The following ZNF723 variants were observed in gnomAD, a reference collection of about 807,000 sequenced individuals.
ZNF723 encodes zinc finger protein 723, pseudogene.
Under a neutral mutation model 9.4 loss-of-function variants are expected in ZNF723, and 5 were observed. The ratio of observed to expected loss-of-function variants is 0.53; its 90% CI spans 0.28 to 1.12. The LOEUF is 1.12. Among genes scored for constraint, ZNF723 ranks in the 50% most tolerant of loss-of-function variants. The pLI is 0.10. For missense variants in ZNF723, 450 were observed against 501.5 expected (o/e 0.90, Z 0.98); for synonymous variants, 158 against 168.8 (o/e 0.94, Z 0.49).
At chr19:22,844,854 G>C (rs1028763367) in intron 1 of ZNF723, among the ~76,000 whole-genome samples, 2 of 152,214 alleles carry the variant, frequency 1.3e-5, no homozygotes, top group Non-Finnish European at 2.9e-5. Flanking sequence ...CGGCGTGGTG[G>C]CTCATGCCTG....
At position 22,857,031 on chromosome 19, in the gene ZNF723, T is replaced by A. The variant is rs902492639; in HGVS notation, c.227-87T>A. On this transcript the variant is annotated intron_variant, in intron 3 of 3. Coordinates refer to ENST00000600766, the MANE Select transcript of ZNF723 (RefSeq NM_001349726.2). Reference sequence around the variant, plus strand: ...TATTTTGCTATGCCATCTTATGTAGTTTGTATAATTTTATAGCTTAGATTT... The same window carrying A: ...TATTTTGCTATGCCATCTTATGTAGATTGTATAATTTTATAGCTTAGATTT... 4.3e-5 allele frequency: 25 copies of A among 576,824 alleles called. 1 individual carries two copies. In the South Asian group the frequency reaches 5.6e-4, roughly 13 times the overall value. 35.7% of individuals were successfully genotyped at this position (576,824 alleles called of 1,614,324 possible).
chr19:22,845,909 G>GTTTTTTTTTTTTTT (rs1599476419), intron 1 of ZNF723, among the ~76,000 whole-genome samples: 1 of 75,282 alleles, frequency 1.3e-5, no homozygotes, highest in Non-Finnish European at 2.5e-5. Context: ...TTTTTTTTTA[G>GTTTTTTTTTTTTTT]CTAAACACAT....
chr19:22,831,823 G>A (rs945792695), upstream of ZNF723, among the ~76,000 whole-genome samples: 1 of 151,702 alleles, frequency 6.6e-6, no homozygotes, highest in Admixed American at 6.6e-5. Flanking sequence ...CAGAAGAATC[G>A]CTTGAACCCG....
At chr19:22,853,452 A>G (rs1031606620) in intron 3 of ZNF723, among the ~76,000 whole-genome samples, 1 of 152,138 alleles carries the variant, frequency 6.6e-6, no homozygotes, top group African/African-American at 2.4e-5. Flanking sequence ...GAATAGATGC[A>G]TTCTCCAGAG....
At chr19:22,835,790 G>A (rs1054015564) in intron 1 of ZNF723, among the ~76,000 whole-genome samples, 1 of 152,020 alleles carries the variant, frequency 6.6e-6, no homozygotes, top group African/African-American at 2.4e-5. Flanking sequence ...GAATATTTTT[G>A]TTCTATAGCC....
intron 3 of ZNF723, among the ~76,000 whole-genome samples, chr19:22,851,697 G>A (rs1481136280): frequency 1.3e-5 from 2 of 152,148 alleles, no homozygotes; most frequent in East Asian, 3.9e-4. Context: ...GACTGTGTTA[G>A]TGGTGATGAA....
chr19:22,841,646 G>A (rs917503275), intron 1 of ZNF723, among the ~76,000 whole-genome samples: 3 of 152,098 alleles, frequency 2.0e-5, no homozygotes. Flanking sequence ...AAACTTCACA[G>A]GGTAGCAATC....
chr19:22,851,814 T>A (rs1223452652), intron 3 of ZNF723, among the ~76,000 whole-genome samples: 1 of 152,118 alleles, frequency 6.6e-6, no homozygotes, highest in Non-Finnish European at 1.5e-5. Context: ...GAGACGGAGT[T>A]TTGCTCTTGT....
intron 1 of ZNF723, among the ~76,000 whole-genome samples, chr19:22,844,976 G>A (rs1276940496): frequency 1.3e-5 from 2 of 152,048 alleles, no homozygotes; most frequent in Non-Finnish European, 2.9e-5. Context: ...AAAATTAGCC[G>A]GGCATGGTGG....
intron 3 of ZNF723, among the ~76,000 whole-genome samples, chr19:22,856,429 T>TA (rs1452188804): frequency 6.6e-6 from 1 of 152,250 alleles, no homozygotes; most frequent in Non-Finnish European, 1.5e-5. Context: ...ATCTACCTGT[T>TA]ACATAATTTA....
chr19:22,848,491 A>T (rs1039547424), intron 2 of ZNF723, 104 bp downstream of exon 2: 1 of 890,564 alleles, frequency 1.1e-6, no homozygotes, highest in African/African-American at 1.7e-5. Context: ...AATGAGTTTC[A>T]CATCACTGTT....
At position 22,857,208 on chromosome 19, in the gene ZNF723, A is replaced by T; in HGVS notation, c.317A>T (p.Tyr106Phe). ...QKVILRSYGK[Y>F]GHDNLQLRKG... is the part of the protein sequence containing the mutation. ...GTAATACTGAGAAGCTATGGAAAAT[A>T]TGGACATGACAATTTACAATTAAGA... is the stretch of plus-strand genomic sequence containing the variant. Residue 106 changes from tyrosine (Y) to phenylalanine (F), a missense_variant, in exon 4 of 4, where the codon TAT becomes TTT. Physicochemically the swap from Tyr to Phe is conservative, Grantham distance 22. Around this residue, in one of 5 missense-constraint regions of ZNF723, gnomAD observed 143 missense variants for 101.3 expected, o/e 1.41. Transcript: ENST00000600766. 1.1e-6 allele frequency: 1 copy of T among 903,214 alleles called. No homozygotes were observed. The highest frequency in any genetic ancestry group is 1.8e-6 in the Non-Finnish European group (1 of 553,800). 55.9% of individuals were successfully genotyped at this position (903,214 alleles called of 1,614,324 possible).
chr19:22,848,725 A>G (rs1967348898), intron 2 of ZNF723, among the ~76,000 whole-genome samples: 1 of 140,370 alleles, frequency 7.1e-6, no homozygotes, highest in Admixed American at 7.9e-5. Context: ...GGGTAGAGAA[A>G]TTATTTTATT....
chr19:22,821,248 G>T, the ZNF723 span, among the ~76,000 whole-genome samples: 1 of 152,102 alleles, frequency 6.6e-6, no homozygotes, highest in African/African-American at 2.4e-5. Flanking sequence ...CATATACCTT[G>T]GTCCAGCACC....
the ZNF723 span, among the ~76,000 whole-genome samples, chr19:22,816,539 G>A: frequency 6.6e-6 from 1 of 152,226 alleles, no homozygotes; most frequent in African/African-American, 2.4e-5. Context: ...ACCAAGAAGT[G>A]CAGGATTGTT....
At chr19:22,822,503 T>A in the ZNF723 span, among the ~76,000 whole-genome samples, 36 of 152,216 alleles carry the variant, frequency 2.4e-4, no homozygotes, top group African/African-American at 8.7e-4. Context: ...GTAAAACTCA[T>A]GCATGTTGTA....
At chr19:22,847,744 G>A (rs1369531019) in intron 1 of ZNF723, among the ~76,000 whole-genome samples, 2 of 152,030 alleles carry the variant, frequency 1.3e-5, no homozygotes, top group Non-Finnish European at 2.9e-5. Flanking sequence ...CACTGATGTT[G>A]TGGATCTTAT....
chr19:22,833,165 T>G (rs1012035782), intron 1 of ZNF723, among the ~76,000 whole-genome samples: 2 of 152,188 alleles, frequency 1.3e-5, no homozygotes, highest in Admixed American at 6.5e-5. Flanking sequence ...TTTTTTTTCT[T>G]TTTTTGAGAC....
At chr19:22,856,392 T>C (rs1203711583) in intron 3 of ZNF723, among the ~76,000 whole-genome samples, 1 of 152,224 alleles carries the variant, frequency 6.6e-6, no homozygotes, top group Non-Finnish European at 1.5e-5. Context: ...ACTCGTTGAG[T>C]ATTATTCAAT....
Sources: allele counts gnomAD v4.1 joint callset (sites outside exome capture counted in the v4.1 genomes callset), GRCh38; gene constraint gnomAD v4.1.1; regional missense constraint gnomAD v4.1.1; transcripts MANE v1.5; gene names NCBI Gene and HGNC (gene_info 2026-07-23, HGNC 2026-07-21).